The following ERC2 variants were observed in gnomAD, a reference collection of about 807,000 sequenced individuals.
The protein encoded by ERC2 is ERC protein 2.
A neutral mutation model predicts 114.8 loss-of-function variants in ERC2; 42 were observed. The observed-to-expected ratio is 0.37, with a 90% CI of 0.29 to 0.47. The LOEUF (loss-of-function observed/expected upper bound fraction) is 0.47. ERC2 is among the 20% of genes least tolerant of loss of function. ERC2 has a pLI of 0.99. For synonymous variants in ERC2, 454 were observed against 425.5 expected, an observed-to-expected ratio of 1.07 and a Z score of -0.82; for missense variants, 939 against 1,150.7, an observed-to-expected ratio of 0.82 and a Z score of 2.66.
chr3:55,541,899 A>G (rs771162147), intron 17 of ERC2, among the ~76,000 whole-genome samples: 22 of 152,234 alleles, frequency 1.4e-4, no homozygotes, highest in Non-Finnish European at 2.8e-4. Flanking sequence ...AAAACATATT[A>G]AGGCAAGTTG....
intron 17 of ERC2, among the ~76,000 whole-genome samples, chr3:55,673,955 A>G (rs552212582): frequency 9.4e-4 from 143 of 152,144 alleles, no homozygotes; most frequent in Non-Finnish European, 1.4e-3. Flanking sequence ...ACGCTGACTC[A>G]GGGCAATCAG....
chr3:56,419,966 C>G (rs2061324411), intron 2 of ERC2, among the ~76,000 whole-genome samples: 1 of 152,130 alleles, frequency 6.6e-6, no homozygotes. Flanking sequence ...AGTTCTAAAT[C>G]TGGCCATCAT....
intron 17 of ERC2, among the ~76,000 whole-genome samples, chr3:55,587,971 A>AT (rs2057682748): frequency 6.6e-6 from 1 of 152,214 alleles, no homozygotes; most frequent in Non-Finnish European, 1.5e-5. Context: ...TTAAAAAATA[A>AT]ATATCATTGC....
intron 6 of ERC2, among the ~76,000 whole-genome samples, chr3:56,102,658 T>A (rs1399951365): frequency 4.6e-5 from 7 of 152,228 alleles, no homozygotes; most frequent in African/African-American, 9.6e-5. Context: ...TATGCAATTC[T>A]GTGTCCTTTC....
intron 17 of ERC2, among the ~76,000 whole-genome samples, chr3:55,568,263 G>A (rs1559668295): frequency 6.6e-6 from 1 of 152,160 alleles, no homozygotes. Flanking sequence ...CCCACGGGTT[G>A]GATCAGTGCT....
At chr3:56,432,742 C>T (rs1056582820) in intron 2 of ERC2, among the ~76,000 whole-genome samples, 3 of 152,304 alleles carry the variant, frequency 2.0e-5, no homozygotes, top group Middle Eastern at 3.4e-3. Flanking sequence ...CAGAGCACTT[C>T]GTTAGACCAA....
chr3:55,563,656 CTA>C (rs1325375777), intron 17 of ERC2, among the ~76,000 whole-genome samples: 1 of 152,226 alleles, frequency 6.6e-6, no homozygotes, highest in African/African-American at 2.4e-5. Flanking sequence ...GGAGAAATTT[CTA>C]TCTTTCCCCC....
At chr3:56,088,834 T>C (rs2077638808) in intron 6 of ERC2, among the ~76,000 whole-genome samples, 1 of 152,178 alleles carries the variant, frequency 6.6e-6, no homozygotes, top group South Asian at 2.1e-4. Context: ...GCACTTAGCA[T>C]GGTACCTGGC....
chr3:56,047,906 G>T (rs1315421089), intron 7 of ERC2, among the ~76,000 whole-genome samples: 2 of 152,090 alleles, frequency 1.3e-5, no homozygotes, highest in East Asian at 1.9e-4. Context: ...ATGTAGAATT[G>T]TACCCACAAA....
At chr3:55,657,866 T>C (rs1396285789) in intron 17 of ERC2, 1 of 152,194 alleles carries the variant, frequency 6.6e-6, no homozygotes, top group Non-Finnish European at 1.5e-5. Context: ...AAATAATGTG[T>C]GTAAAGTGCT....
intron 7 of ERC2, among the ~76,000 whole-genome samples, chr3:56,041,218 C>T (rs1407108535): frequency 6.6e-6 from 1 of 151,952 alleles, no homozygotes; most frequent in Non-Finnish European, 1.5e-5. Flanking sequence ...TTCCTATTTA[C>T]ATTCTATGTA....
intron 12 of ERC2, among the ~76,000 whole-genome samples, chr3:55,953,351 G>T (rs985747414): frequency 1.3e-5 from 2 of 152,134 alleles, no homozygotes; most frequent in African/African-American, 4.8e-5. Context: ...GTTTTGAATG[G>T]CACTGCTTAG....
At chr3:55,704,298 T>C (rs987140769) in intron 15 of ERC2, among the ~76,000 whole-genome samples, 2 of 152,206 alleles carry the variant, frequency 1.3e-5, no homozygotes, top group Non-Finnish European at 2.9e-5. Flanking sequence ...AAAAATATTT[T>C]AGTAAGGTGG....
At chr3:55,601,271 TC>T (rs2058390364) in intron 17 of ERC2, among the ~76,000 whole-genome samples, 1 of 152,156 alleles carries the variant, frequency 6.6e-6, no homozygotes, top group Admixed American at 6.5e-5. Flanking sequence ...CAAAATGCCA[TC>T]TAGGCAGAAC....
chr3:55,675,894 CTTTTCTTTCTTTTT>C (rs1559484782), intron 17 of ERC2, among the ~76,000 whole-genome samples: 7 of 70,474 alleles, frequency 9.9e-5, no homozygotes, highest in Admixed American at 3.4e-4. Flanking sequence ...CTTTCTTTCT[CTTTTCTTTCTTTTT>C]TTTTTTTTTT....
rs925292124 is a variant in ERC2, at chr3:55,692,427, G to A, written c.2847+6951C>T. 3.4e-4 allele frequency among the ~76,000 whole-genome samples: 51 copies of A among 152,194 alleles called. 1 individual carries two copies. The highest frequency in any genetic ancestry group is 4.6e-4 in the Admixed American group (7 of 15,280). ...CCAGGAAACACATGGGCCTGGAGCT[G>A]TCACCTGCCTCCAGCCACAACATCG... On this transcript the variant is annotated intron_variant, in intron 16 of 17. Coordinates refer to ENST00000288221, the MANE Select transcript of ERC2 (RefSeq NM_015576.3).
chr3:55,682,137 G>A (rs559580522), intron 17 of ERC2, among the ~76,000 whole-genome samples: 2 of 152,158 alleles, frequency 1.3e-5, no homozygotes, highest in East Asian at 3.9e-4. Flanking sequence ...ATGACTTTAG[G>A]TCAATTGCCA....
chr3:55,553,816 T>C (rs1313667895), intron 17 of ERC2, among the ~76,000 whole-genome samples: 1 of 151,928 alleles, frequency 6.6e-6, no homozygotes, highest in Non-Finnish European at 1.5e-5. Context: ...GGCTTAAGCC[T>C]CACAGCCAAG....
chr3:56,368,184 T>TAA lies in ERC2; in HGVS notation c.657+66166_657+66167insTT, dbSNP rs779938850. Among the ~76,000 whole-genome samples, 411 of 87,956 alleles carry TAA rather than the reference T, an allele frequency of 4.7e-3. 2 individuals are homozygous for TAA. The highest frequency in any genetic ancestry group is 5.9e-3 in the African/African-American group (167 of 28,256). The allele number at this position is 87,956 out of a possible 152,430, so 57.7% of individuals were successfully genotyped here. On this transcript the variant is annotated intron_variant, in intron 2 of 17. Coordinates refer to ENST00000288221, the MANE Select transcript of ERC2 (RefSeq NM_015576.3). ...AAAAGTTGAAATTATTCTTTTTTTT[T>TAA]TAAAAAAAAAAAAAAAGCAAATGTA...
Sources: gnomAD v4.1 joint callset for allele counts (sites outside exome capture counted in the v4.1 genomes callset) on GRCh38, gnomAD v4.1.1 for gene constraint, MANE v1.5 for transcripts, NCBI Gene and HGNC (gene_info 2026-07-23, HGNC 2026-07-21) for gene names.